The following RBFOX3 variants were observed in gnomAD, a reference collection of about 807,000 sequenced individuals.
The protein encoded by RBFOX3 is RNA binding fox-1 homolog 3.
RBFOX3 carries 17 observed loss-of-function variants against 48.7 expected under a neutral mutation model. The observed-to-expected ratio is 0.35, with a 90% CI of 0.24 to 0.52. The LOEUF (loss-of-function observed/expected upper bound fraction) is 0.52, where lower values mean the gene tolerates loss of function less well. RBFOX3 is among the 20% of genes least tolerant of loss of function. The probability of loss-of-function intolerance (pLI) is 0.94; values close to 1 mark genes in which losing one functional copy is unlikely to be tolerated. For synonymous variants in RBFOX3, 212 were observed against 209.5 expected, an observed-to-expected ratio of 1.01 and a Z score of -0.10; for missense variants, 382 against 497.5, an observed-to-expected ratio of 0.77 and a Z score of 2.21.
intron 2 of RBFOX3, among the ~76,000 whole-genome samples, chr17:79,426,037 C>T (rs1204895295): frequency 1.3e-5 from 2 of 152,018 alleles, no homozygotes; most frequent in Non-Finnish European, 2.9e-5. Flanking sequence ...GGCTGCGGGA[C>T]TCATGGCCTG....
intron 1 of RBFOX3, among the ~76,000 whole-genome samples, chr17:79,585,127 C>T (rs2093205812): frequency 6.6e-6 from 1 of 152,106 alleles, no homozygotes; most frequent in South Asian, 2.1e-4. Flanking sequence ...TAAAAGACGA[C>T]ACACTGAGTA....
chr17:79,505,570 G>T (rs2082993534), intron 1 of RBFOX3, among the ~76,000 whole-genome samples: 2 of 152,178 alleles, frequency 1.3e-5, no homozygotes, highest in Non-Finnish European at 2.9e-5. Context: ...GGCGGAGTCT[G>T]CTTCTGGGAA....
chr17:79,471,316 G>A lies in RBFOX3; in HGVS notation c.-175+11138C>T, dbSNP rs2077034016. 6.6e-6 allele frequency among the ~76,000 whole-genome samples: 1 copy of A among 152,162 alleles called. No individual in the cohort carries two copies. The highest frequency in any genetic ancestry group is 1.5e-5 in the Non-Finnish European group (1 of 68,042). On this transcript the variant is annotated intron_variant, in intron 2 of 14. Transcript: ENST00000693108. The surrounding 1 kb of genome is among the most constrained non-coding windows in gnomAD (Gnocchi z 4.0). ...TTGGGGTATTCGCAGGGAAATGAGG[G>A]CAAAGCATTTTGCAAAGAGCGTGCA...
intron 2 of RBFOX3, among the ~76,000 whole-genome samples, chr17:79,332,693 G>A (rs986518348): frequency 4.6e-5 from 6 of 129,218 alleles, no homozygotes. Context: ...GAGAGACGGA[G>A]ACAGAGAGAG....
intron 3 of RBFOX3, among the ~76,000 whole-genome samples, chr17:79,287,217 GGC>G (rs2072139221): frequency 1.3e-5 from 2 of 152,174 alleles, no homozygotes; most frequent in Non-Finnish European, 2.9e-5. Flanking sequence ...TGCTCGCTAA[GGC>G]GAAGGACCCC....
chr17:79,406,723 T>A (rs1279751802), intron 2 of RBFOX3, among the ~76,000 whole-genome samples: 1 of 152,142 alleles, frequency 6.6e-6, no homozygotes, highest in Admixed American at 6.5e-5. Context: ...GTTGATAAAA[T>A]TTGCTTCATA....
chr17:79,469,936 C>A (rs937395070), intron 2 of RBFOX3, among the ~76,000 whole-genome samples: 2 of 152,160 alleles, frequency 1.3e-5, no homozygotes, highest in Non-Finnish European at 2.9e-5. Flanking sequence ...AGATGGAAGA[C>A]CATCTCATCG....
intron 2 of RBFOX3, among the ~76,000 whole-genome samples, chr17:79,328,013 A>G (rs1374502454): frequency 6.6e-6 from 1 of 152,138 alleles, no homozygotes; most frequent in Non-Finnish European, 1.5e-5. Context: ...TCTCTTATCT[A>G]TACAAACATT....
chr17:79,379,931 G>C (rs1197029401), intron 2 of RBFOX3, among the ~76,000 whole-genome samples: 1 of 152,140 alleles, frequency 6.6e-6, no homozygotes, highest in Non-Finnish European at 1.5e-5. Context: ...TCCTGCCGCG[G>C]CCTCTCCCGC....
intron 2 of RBFOX3, among the ~76,000 whole-genome samples, chr17:79,323,596 C>T (rs2078868384): frequency 6.6e-6 from 1 of 152,236 alleles, no homozygotes; most frequent in African/African-American, 2.4e-5. Flanking sequence ...TCCACCTGCC[C>T]ACCCAGCTGG....
Position 79,252,712 on chromosome 17 carries a change from C to T in RBFOX3, c.-73-16907G>A, listed in dbSNP as rs532360567. On this transcript the variant is annotated intron_variant, in intron 3 of 14. Coordinates refer to ENST00000693108, the MANE Select transcript of RBFOX3 (RefSeq NM_001350451.2). This position sits in a 1 kb window ranked among gnomAD's most constrained non-coding sequence, Gnocchi z 4.0. ...TGCGGTCCTCTTGGAAAGTTCTCAG[C>T]GTCACATCGCTCTGGCTGTGTTGAC... is the stretch of plus-strand genomic sequence containing the variant. 7.2e-4 allele frequency among the ~76,000 whole-genome samples: 109 copies of T among 152,310 alleles called. No individual in the cohort carries two copies. The highest frequency in any genetic ancestry group is 2.1e-3 in the African/African-American group (88 of 41,582).
intron 3 of RBFOX3, among the ~76,000 whole-genome samples, chr17:79,273,736 G>A (rs760704670): frequency 1.3e-5 from 2 of 152,186 alleles, no homozygotes; most frequent in Non-Finnish European, 2.9e-5. Flanking sequence ...GATGGCTGTG[G>A]CCAGGTGCCA....
At chr17:79,282,411 C>T (rs896539243) in intron 3 of RBFOX3, among the ~76,000 whole-genome samples, 37 of 152,164 alleles carry the variant, frequency 2.4e-4, no homozygotes, top group African/African-American at 8.4e-4. Context: ...TTTCTGCTCT[C>T]GGGAGCTTAA....
At chr17:79,190,435 A>AAAAAAAAC (rs2054283530) in intron 4 of RBFOX3, among the ~76,000 whole-genome samples, 1 of 149,630 alleles carries the variant, frequency 6.7e-6, no homozygotes, top group Non-Finnish European at 1.5e-5. Context: ...AAAAAAACAA[A>AAAAAAAAC]AAAACAGAGT....
intron 1 of RBFOX3, among the ~76,000 whole-genome samples, chr17:79,592,716 C>T (rs1369573268): frequency 6.6e-6 from 1 of 152,186 alleles, no homozygotes; most frequent in African/African-American, 2.4e-5. Flanking sequence ...CAGCCACTCC[C>T]AAGGTGGCCC....
the RBFOX3 span, among the ~76,000 whole-genome samples, chr17:79,639,585 A>G: frequency 6.6e-6 from 1 of 152,210 alleles, no homozygotes; most frequent in Middle Eastern, 3.2e-3. Flanking sequence ...GATGCAAAAA[A>G]ATTCCCAATA....
chr17:79,528,680 G>A (rs940431336), intron 1 of RBFOX3, among the ~76,000 whole-genome samples: 1 of 151,932 alleles, frequency 6.6e-6, no homozygotes, highest in Non-Finnish European at 1.5e-5. Flanking sequence ...CACATGTATC[G>A]GGGAAGGCCG....
At chr17:79,383,362 C>G (rs1018056381) in intron 2 of RBFOX3, among the ~76,000 whole-genome samples, 3 of 152,252 alleles carry the variant, frequency 2.0e-5, no homozygotes, top group Non-Finnish European at 2.9e-5. Context: ...AAGGCACCCT[C>G]CACCACCCCA....
At chr17:79,619,978 C>T in the RBFOX3 span, among the ~76,000 whole-genome samples, 1 of 152,226 alleles carries the variant, frequency 6.6e-6, no homozygotes, top group African/African-American at 2.4e-5. Context: ...GCCAACCACA[C>T]GCGCACACAC....
Sources: gnomAD v4.1 joint callset for allele counts (sites outside exome capture counted in the v4.1 genomes callset) on GRCh38, gnomAD v4.1.1 for gene constraint, Gnocchi (gnomAD v3.1) non-coding constraint, MANE v1.5 for transcripts, NCBI Gene and HGNC (gene_info 2026-07-23, HGNC 2026-07-21) for gene names.